RAB11FIP2: variants seen among roughly 807,000 people sequenced by gnomAD.
RAB11FIP2 encodes the protein RAB11 family interacting protein 2, also known as rab11 family-interacting protein 2.
RAB11FIP2 carries 16 observed loss-of-function variants against 40.9 expected under a neutral mutation model. That is an observed-to-expected ratio of 0.39 (90% CI 0.26 to 0.59). The LOEUF is 0.59. RAB11FIP2 is among the 20% of genes least tolerant of loss of function. RAB11FIP2 has a pLI of 0.53. For missense variants in RAB11FIP2, 532 were observed against 606.2 expected, an observed-to-expected ratio of 0.88 and a Z score of 1.28; for synonymous variants, 228 against 213.7, an observed-to-expected ratio of 1.07 and a Z score of -0.58.
chr10:118,020,466 T>A (rs1846270264), intron 3 of RAB11FIP2, among the ~76,000 whole-genome samples: 1 of 152,214 alleles, frequency 6.6e-6, no homozygotes, highest in Non-Finnish European at 1.5e-5. Flanking sequence ...CACCCCAGGA[T>A]ACTGACCTCT....
intron 3 of RAB11FIP2, among the ~76,000 whole-genome samples, chr10:118,032,408 C>T (rs1429212964): frequency 1.3e-5 from 2 of 148,868 alleles, no homozygotes; most frequent in African/African-American, 4.9e-5. Context: ...TAGGTGCGTG[C>T]GTGCGTGTGT....
intron 3 of RAB11FIP2, chr10:118,034,079 G>A (rs1304611500): frequency 1.4e-6 from 1 of 698,906 alleles, no homozygotes; most frequent in Non-Finnish European, 2.6e-6. Context: ...TAGCTTTGTG[G>A]GCCATATGGT....
chr10:118,046,018 G>A lies in RAB11FIP2; in HGVS notation c.146C>T (p.Thr49Ile), dbSNP rs1324130284. The change falls in exon 1 of 5, where the codon ACC becomes ATC. Residue 49 changes from threonine to isoleucine, a missense_variant. Coordinates refer to ENST00000355624, the MANE Select transcript of RAB11FIP2 (RefSeq NM_014904.3). ...CTCAAGGGTTTTCTCAGCTACAGAG[G>A]TGGAGTACTTTTCCTTGCCCAGCTG... ...IIQLGKEKYS[T>I]SVAEKTLEPV... 2 of 1,614,210 alleles carry A rather than the reference G, an allele frequency of 1.2e-6. No homozygotes were observed. The highest frequency in any genetic ancestry group is 2.2e-5 in the East Asian group (1 of 44,870).
At chr10:118,038,461 A>G (rs976769389) in intron 3 of RAB11FIP2, among the ~76,000 whole-genome samples, 1 of 152,096 alleles carries the variant, frequency 6.6e-6, no homozygotes, top group Non-Finnish European at 1.5e-5. Context: ...CTGAATTCCA[A>G]TAACAAGCAT....
Position 118,004,992 on chromosome 10 carries a change from A to G in RAB11FIP2, c.*4006T>C, listed in dbSNP as rs968603528. The G allele has an allele frequency of 2.0e-5, 3 of 152,816 alleles. No individual in the cohort carries two copies. The East Asian group carries it at 5.8e-4, about 29-fold the overall frequency. 9.5% of individuals were successfully genotyped at this position (152,816 alleles called of 1,614,324 possible). A position where few individuals can be genotyped will look rare whatever the true frequency, so the allele number is the denominator to read the frequency against. ...AAAATTCTGATTCATGCATCAGATT[A>G]CATAAATTATACAATTGTCACATTA... On this transcript the variant is annotated 3_prime_UTR_variant, in exon 5 of 5. Coordinates refer to ENST00000355624, the MANE Select transcript of RAB11FIP2 (RefSeq NM_014904.3).
At chr10:118,034,025 G>A (rs1198004618) in intron 3 of RAB11FIP2, 4 of 701,768 alleles carry the variant, frequency 5.7e-6, no homozygotes, top group East Asian at 2.7e-5. Context: ...GCTACTGCAG[G>A]GGTCAGCAAA....
chr10:118,029,566 T>C (rs1396171618), intron 3 of RAB11FIP2, among the ~76,000 whole-genome samples: 3 of 152,130 alleles, frequency 2.0e-5, no homozygotes, highest in Non-Finnish European at 4.4e-5. Context: ...AAGAGCAGGA[T>C]TTATATCTCA....
chr10:118,040,559 A>G lies in RAB11FIP2; in HGVS notation c.360T>C (p.Phe120=). The G allele has an allele frequency of 6.3e-7, 1 of 1,598,266 alleles. No individual in the cohort carries two copies. Among genetic ancestry groups the G allele is most frequent in the Non-Finnish European group, 8.5e-7 (1 of 1,172,872 alleles). The change falls in exon 2 of 5, where the codon TTT becomes TTC. Residue 120 remains phenylalanine (F), a synonymous_variant. Coordinates refer to ENST00000355624, the MANE Select transcript of RAB11FIP2 (RefSeq NM_014904.3). ...GTTTTCCTTGTTTGGATTCTAATCTAAACCACCTTAAAGAGAAGAAAAAAA... is the reference window on the plus strand; with the variant it reads ...GTTTTCCTTGTTTGGATTCTAATCTGAACCACCTTAAAGAGAAGAAAAAAA... The part of the protein sequence containing the change: ...EDKQRRKTEW[F]RLESKQGKRI...
intron 3 of RAB11FIP2, among the ~76,000 whole-genome samples, chr10:118,028,324 A>T (rs1255199343): frequency 1.3e-5 from 2 of 150,516 alleles, no homozygotes; most frequent in Non-Finnish European, 3.0e-5. Flanking sequence ...TTTAATATTT[A>T]TAAGTATTTA....
At position 118,040,130 on chromosome 10, in the gene RAB11FIP2, T is replaced by C. The variant is rs1846535518; in HGVS notation, c.789A>G (p.Pro263=). 1 of 1,612,708 alleles carries C rather than the reference T, an allele frequency of 6.2e-7. No homozygotes were observed. The highest frequency in any genetic ancestry group is 1.3e-5 in the African/African-American group (1 of 74,820). ...CAAGAATGTGACACTTACCACTTTCTGGAACTGTTCCAAAGGAATCTAACT... is the reference window on the plus strand; with the variant it reads ...CAAGAATGTGACACTTACCACTTTCCGGAACTGTTCCAAAGGAATCTAACT... ...GHQLDSFGTV[P]ESGSLKSPHR... The change falls in exon 2 of 5, where the codon CCA becomes CCG. Residue 263 remains proline (P), a synonymous_variant. Transcript: ENST00000355624.
chr10:118,033,617 G>A (rs1846445362), intron 3 of RAB11FIP2, among the ~76,000 whole-genome samples: 1 of 152,092 alleles, frequency 6.6e-6, no homozygotes, highest in Admixed American at 6.6e-5. Flanking sequence ...TAGAGACATG[G>A]CAGTAAGGAA....
chr10:118,043,804 C>T (rs7095106), intron 1 of RAB11FIP2, among the ~76,000 whole-genome samples: 15,055 of 152,110 alleles, frequency 0.099, 2,090 homozygotes, highest in African/African-American at 0.31. Context: ...TAAATATCTT[C>T]CTTGAAATAT....
At chr10:118,020,766 T>C (rs1846275302) in intron 3 of RAB11FIP2, among the ~76,000 whole-genome samples, 2 of 152,238 alleles carry the variant, frequency 1.3e-5, no homozygotes, top group Non-Finnish European at 2.9e-5. Context: ...AATTATTCGT[T>C]TTGAGTGTGT....
intron 2 of RAB11FIP2, 132 bp from the exon 3 acceptor site, chr10:118,039,572 T>G: frequency 1.3e-6 from 1 of 768,546 alleles, no homozygotes; most frequent in East Asian, 2.7e-5. Context: ...CTTCAAAAAA[T>G]CAAGGAAACA....
At chr10:118,025,116 A>C (rs147465649) in intron 3 of RAB11FIP2, among the ~76,000 whole-genome samples, 2 of 152,298 alleles carry the variant, frequency 1.3e-5, no homozygotes, top group African/African-American at 4.8e-5. Flanking sequence ...GGCAGTCAAG[A>C]GTTTGTTTCA....
At chr10:118,036,340 A>T (rs1456937859) in intron 3 of RAB11FIP2, among the ~76,000 whole-genome samples, 2 of 152,126 alleles carry the variant, frequency 1.3e-5, no homozygotes, top group African/African-American at 4.8e-5. Context: ...CCTGAAAAAA[A>T]TTCACAGCAC....
intron 3 of RAB11FIP2, among the ~76,000 whole-genome samples, chr10:118,032,514 A>G (rs900278562): frequency 9.9e-5 from 15 of 151,996 alleles, no homozygotes; most frequent in African/African-American, 3.4e-4. Context: ...TACCTTAGTT[A>G]GGGACCTGCA....
At position 118,008,922 on chromosome 10, in the gene RAB11FIP2, A is replaced by C; in HGVS notation, c.*76T>G. The C allele has an allele frequency of 8.5e-7, 1 of 1,182,398 alleles. No individual in the cohort carries two copies. Among genetic ancestry groups the C allele is most frequent in the Non-Finnish European group, 1.2e-6 (1 of 809,484 alleles). 73.2% of individuals were successfully genotyped at this position (1,182,398 alleles called of 1,614,324 possible). On this transcript the variant is annotated 3_prime_UTR_variant, in exon 5 of 5. Transcript: ENST00000355624. ...GAAACCTGATAGTGTAGTCTCTTTC[A>C]GTAACAAGTTTTTCCTTCCTTCCTT...
intron 1 of RAB11FIP2, 136 bp downstream of exon 1, chr10:118,045,675 C>A (rs1846619400): frequency 1.5e-6 from 1 of 658,992 alleles, no homozygotes; most frequent in African/African-American, 1.8e-5. Flanking sequence ...CAGATTCATG[C>A]AAATATGGTG....
Sources: gnomAD v4.1 joint callset for allele counts (sites outside exome capture counted in the v4.1 genomes callset) on GRCh38, gnomAD v4.1.1 for gene constraint, MANE v1.5 for transcripts, NCBI Gene and HGNC (gene_info 2026-07-23, HGNC 2026-07-21) for gene names.